The following RBFOX1 variants were observed in gnomAD, a reference collection of about 807,000 sequenced individuals.
RBFOX1 encodes the protein RNA binding fox-1 homolog 1, also known as RNA binding protein fox-1 homolog 1.
A neutral mutation model predicts 57.7 loss-of-function variants in RBFOX1; 8 were observed. The observed-to-expected ratio is 0.14, with a 90% CI of 0.08 to 0.25. The LOEUF (loss-of-function observed/expected upper bound fraction) is 0.25. Ranked by LOEUF, RBFOX1 falls within the 10% of genes least tolerant of loss-of-function variation. RBFOX1 has a pLI of 1.00. For missense variants in RBFOX1, 611 were observed against 548.5 expected (o/e 1.11, Z -1.14); for synonymous variants, 326 against 222.4 (o/e 1.47, Z -4.15).
intron 12 of RBFOX1, among the ~76,000 whole-genome samples, chr16:7,656,872 C>A (rs1003056771): frequency 5.3e-5 from 8 of 152,066 alleles, no homozygotes; most frequent in Admixed American, 6.6e-5. Context: ...AGAAGGCATC[C>A]CAGAAGAGAA....
intron 1 of RBFOX1, among the ~76,000 whole-genome samples, chr16:6,210,710 G>C (rs1194996708): frequency 6.6e-6 from 1 of 152,028 alleles, no homozygotes; most frequent in African/African-American, 2.4e-5. Flanking sequence ...GGGTGACACA[G>C]TGAGACTCCC....
intron 4 of RBFOX1, among the ~76,000 whole-genome samples, chr16:7,390,729 G>A (rs1202591239): frequency 3.3e-5 from 5 of 152,262 alleles, no homozygotes; most frequent in Non-Finnish European, 5.9e-5. Context: ...TATAAGAACT[G>A]ACAATGCATT....
intron 1 of RBFOX1, among the ~76,000 whole-genome samples, chr16:6,307,994 T>A (rs144444089): frequency 0.02 from 3,024 of 149,780 alleles, 94 homozygotes; most frequent in African/African-American, 0.069. Flanking sequence ...TTCGCTTAGG[T>A]TGTTATTTAC....
intron 3 of RBFOX1, among the ~76,000 whole-genome samples, chr16:6,920,561 G>T (rs1400159944): frequency 6.6e-6 from 1 of 152,198 alleles, no homozygotes; most frequent in African/African-American, 2.4e-5. Flanking sequence ...TGAAACAACA[G>T]AAATTTATTC....
intron 3 of RBFOX1, among the ~76,000 whole-genome samples, chr16:7,048,949 C>T (rs1049532586): frequency 6.6e-6 from 1 of 152,164 alleles, no homozygotes. Context: ...AATATCAGTT[C>T]TGTTGGGTGT....
At chr16:5,358,166 C>T (rs145271988) in intron 1 of RBFOX1, among the ~76,000 whole-genome samples, 83 of 151,990 alleles carry the variant, frequency 5.5e-4, no homozygotes, top group East Asian at 1.2e-3. Flanking sequence ...TTTGGCTTGC[C>T]GTTCCTTGGG....
chr16:5,321,741 G>A (rs1031975831), intron 1 of RBFOX1, among the ~76,000 whole-genome samples: 2 of 152,162 alleles, frequency 1.3e-5, no homozygotes, highest in African/African-American at 2.4e-5. Flanking sequence ...GTGGTGGTTT[G>A]AGTAAATGGA....
chr16:6,680,184 G>A (rs970112297), intron 3 of RBFOX1, among the ~76,000 whole-genome samples: 2 of 151,694 alleles, frequency 1.3e-5, no homozygotes, highest in South Asian at 2.1e-4. Flanking sequence ...TAGCAATTTC[G>A]TATGGAGCTG....
chr16:6,449,269 G>A (rs1001287284), intron 2 of RBFOX1, among the ~76,000 whole-genome samples: 2 of 152,172 alleles, frequency 1.3e-5, no homozygotes, highest in African/African-American at 2.4e-5. Flanking sequence ...GACTCATTCC[G>A]AAAGAAATCA....
intron 4 of RBFOX1, among the ~76,000 whole-genome samples, chr16:7,172,973 G>A (rs563808943): frequency 1.4e-4 from 22 of 152,218 alleles, no homozygotes; most frequent in Middle Eastern, 3.4e-3. Flanking sequence ...TATGGTTTTC[G>A]TGTAAAAGAA....
chr16:7,433,599 C>T (rs2098699400), intron 4 of RBFOX1, among the ~76,000 whole-genome samples: 1 of 152,216 alleles, frequency 6.6e-6, no homozygotes, highest in Admixed American at 6.5e-5. Flanking sequence ...AGGTGAAGCA[C>T]ACTGACTTCA....
chr16:5,710,234 A>G (rs148154952), intron 3 of RBFOX1, among the ~76,000 whole-genome samples: 16 of 152,226 alleles, frequency 1.1e-4, no homozygotes, highest in African/African-American at 3.6e-4. Flanking sequence ...GTTGAAACTG[A>G]AGCAGCTAAT....
intron 3 of RBFOX1, among the ~76,000 whole-genome samples, chr16:6,818,879 G>T (rs1567391608): frequency 1.3e-5 from 2 of 152,146 alleles, no homozygotes; most frequent in Non-Finnish European, 2.9e-5. Context: ...GAATTTACAT[G>T]GAATTCTTTG....
chr16:7,205,325 C>T (rs1338186770), intron 4 of RBFOX1, among the ~76,000 whole-genome samples: 1 of 151,982 alleles, frequency 6.6e-6, no homozygotes, highest in African/African-American at 2.4e-5. Context: ...CAAGACCAGT[C>T]TGGCCAACAT....
At chr16:7,476,686 C>T (rs984417356) in intron 4 of RBFOX1, among the ~76,000 whole-genome samples, 1 of 152,024 alleles carries the variant, frequency 6.6e-6, no homozygotes, top group Non-Finnish European at 1.5e-5. Flanking sequence ...AAAATTAAAT[C>T]CCTCACTTCA....
chr16:5,677,898 T>A, intron 3 of RBFOX1, among the ~76,000 whole-genome samples: 1 of 152,108 alleles, frequency 6.6e-6, no homozygotes, highest in Non-Finnish European at 1.5e-5. Flanking sequence ...GGGAGGCAGG[T>A]CTTCAGGACC....
At chr16:7,670,721 C>G (rs868636335) in intron 13 of RBFOX1, among the ~76,000 whole-genome samples, 1 of 152,148 alleles carries the variant, frequency 6.6e-6, no homozygotes, top group Non-Finnish European at 1.5e-5. Flanking sequence ...AAAGTATACA[C>G]AAGCCTTTAT....
chr16:7,686,921 A>C (rs1227268325), intron 14 of RBFOX1, among the ~76,000 whole-genome samples: 1 of 152,056 alleles, frequency 6.6e-6, no homozygotes, highest in Non-Finnish European at 1.5e-5. Context: ...AATTTCCAAA[A>C]CTCAGATCTT....
chr16:6,307,801 T>C (rs2152755430), intron 1 of RBFOX1, among the ~76,000 whole-genome samples: 1 of 147,218 alleles, frequency 6.8e-6, no homozygotes, highest in East Asian at 2.1e-4. Flanking sequence ...GTTATTTACA[T>C]ATTTGTATCA....
Sources: allele counts gnomAD v4.1 joint callset (sites outside exome capture counted in the v4.1 genomes callset), GRCh38; gene constraint gnomAD v4.1.1; transcripts MANE v1.5; gene names NCBI Gene and HGNC (gene_info 2026-07-23, HGNC 2026-07-21).